Variants in NR3C2 observed in about 807,000 individuals in gnomAD.
NR3C2 encodes mineralocorticoid receptor.
A neutral mutation model predicts 86.4 loss-of-function variants in NR3C2; 15 were observed. The ratio of observed to expected loss-of-function variants is 0.17; its 90% confidence interval spans 0.12 to 0.27. NR3C2 has a LOEUF of 0.27. Among genes scored for constraint, NR3C2 ranks in the 10% least tolerant of loss-of-function variants. The probability of loss-of-function intolerance (pLI) is 1.00; values close to 1 mark genes in which losing one functional copy is unlikely to be tolerated. For missense variants in NR3C2, 960 were observed against 1,195.6 expected (o/e 0.80, Z 2.91); for synonymous variants, 458 against 450.5 (o/e 1.02, Z -0.21).
intron 3 of NR3C2, among the ~76,000 whole-genome samples, chr4:148,240,934 A>G (rs895106230): frequency 1.3e-5 from 2 of 152,168 alleles, no homozygotes; most frequent in African/African-American, 4.8e-5. Context: ...ATTTCCTGTT[A>G]GGATGAGGTG....
chr4:148,156,810 T>C (rs1165642065), intron 4 of NR3C2, among the ~76,000 whole-genome samples: 1 of 152,164 alleles, frequency 6.6e-6, no homozygotes, highest in African/African-American at 2.4e-5. Flanking sequence ...ACTGGGTATA[T>C]ATCCAAAGGA....
chr4:148,416,201 C>T (rs1748987045), intron 2 of NR3C2, among the ~76,000 whole-genome samples: 1 of 152,082 alleles, frequency 6.6e-6, no homozygotes. Flanking sequence ...GTAAATTATG[C>T]TAAATTAACA....
At chr4:148,157,806 C>G (rs891823466) in intron 4 of NR3C2, among the ~76,000 whole-genome samples, 9 of 152,108 alleles carry the variant, frequency 5.9e-5, no homozygotes, top group African/African-American at 1.9e-4. Flanking sequence ...CTATGTTACA[C>G]CAATTAACTT....
At chr4:148,227,427 G>A (rs1396539339) in intron 3 of NR3C2, among the ~76,000 whole-genome samples, 2 of 152,072 alleles carry the variant, frequency 1.3e-5, no homozygotes, top group Admixed American at 6.5e-5. Flanking sequence ...TAAGGTGCCC[G>A]CCAGGTTTCC....
At chr4:148,177,659 C>T (rs184791793) in intron 4 of NR3C2, among the ~76,000 whole-genome samples, 14 of 152,298 alleles carry the variant, frequency 9.2e-5, no homozygotes, top group Admixed American at 2.6e-4. Flanking sequence ...AAGTCTGAGG[C>T]GGATGACACC....
chr4:148,130,809 GTTTTGTTTTGTTTTT>G (rs1732994773), intron 6 of NR3C2, among the ~76,000 whole-genome samples: 1 of 52,188 alleles, frequency 1.9e-5, no homozygotes, highest in African/African-American at 4.9e-5. Context: ...GTTTTGTTTT[GTTTTGTTTTGTTTTT>G]TTTTTTTTTT....
At chr4:148,144,681 A>G (rs562155786) in intron 6 of NR3C2, among the ~76,000 whole-genome samples, 2 of 150,650 alleles carry the variant, frequency 1.3e-5, no homozygotes, top group South Asian at 2.1e-4. Flanking sequence ...AGCTTATAAA[A>G]CCTCCTCCAG....
chr4:148,116,680 T>C (rs181525516), intron 7 of NR3C2, among the ~76,000 whole-genome samples: 9 of 152,134 alleles, frequency 5.9e-5, no homozygotes, highest in Admixed American at 2.6e-4. Context: ...GCTTTACCTA[T>C]GTTTTTTCCT....
At chr4:148,273,981 G>A (rs970159687) in intron 2 of NR3C2, among the ~76,000 whole-genome samples, 1 of 151,972 alleles carries the variant, frequency 6.6e-6, no homozygotes, top group Non-Finnish European at 1.5e-5. Context: ...TTTGAGGTCT[G>A]TAGAAGCCAG....
Position 148,114,134 on chromosome 4 carries a change from T to C in NR3C2, c.2769A>G (p.Gln923=). 6.2e-7 allele frequency: 1 copy of C among 1,613,692 alleles called. No homozygotes were observed. The highest frequency in any genetic ancestry group is 8.5e-7 in the Non-Finnish European group (1 of 1,179,892). The part of the protein sequence containing the change: ...NSGQSWQRFY[Q]LTKLLDSMHD... ...GCATGGAGTCCAGCAGCTTGGTCAG[T>C]TGGTAGAACCTCTGCCAGCTCTGCC... The change falls in exon 8 of 9, where the codon CAA becomes CAG. Residue 923 remains glutamine (Q), a synonymous_variant. Coordinates refer to ENST00000358102, the MANE Select transcript of NR3C2 (RefSeq NM_000901.5).
intron 6 of NR3C2, among the ~76,000 whole-genome samples, chr4:148,147,325 T>C (rs780798820): frequency 3.3e-5 from 5 of 152,252 alleles, no homozygotes; most frequent in Non-Finnish European, 5.9e-5. Flanking sequence ...GTTTTAAATA[T>C]TGCAATGTCT....
intron 7 of NR3C2, among the ~76,000 whole-genome samples, chr4:148,119,400 C>T (rs1318483966): frequency 6.6e-6 from 1 of 152,182 alleles, no homozygotes. Context: ...CATCACATGT[C>T]CCTCCCAGAT....
At chr4:148,195,488 G>A (rs1736400311) in intron 3 of NR3C2, among the ~76,000 whole-genome samples, 1 of 152,202 alleles carries the variant, frequency 6.6e-6, no homozygotes, top group African/African-American at 2.4e-5. Flanking sequence ...AGGCACTAGG[G>A]ATACAGTGAT....
At chr4:148,220,155 T>C (rs1194599847) in intron 3 of NR3C2, among the ~76,000 whole-genome samples, 2 of 152,092 alleles carry the variant, frequency 1.3e-5, no homozygotes, top group African/African-American at 2.4e-5. Context: ...GGTGCAATCA[T>C]TGCTCACTGC....
chr4:148,192,204 T>A lies in NR3C2; in HGVS notation c.2014+2542A>T, dbSNP rs371824773. ...TCCCTTGATGAACTACTCTCCCTCT[T>A]TTCCTATGGATGTGGTTTCCTGTGA... On this transcript the variant is annotated intron_variant, in intron 4 of 8. Coordinates refer to ENST00000358102, the MANE Select transcript of NR3C2 (RefSeq NM_000901.5). Among the ~76,000 whole-genome samples, 4 of 152,200 alleles carry A rather than the reference T, an allele frequency of 2.6e-5. No homozygotes were observed. The South Asian group carries it at 8.3e-4, about 32-fold the overall frequency.
At chr4:148,205,356 G>A (rs868636148) in intron 3 of NR3C2, among the ~76,000 whole-genome samples, 1 of 152,176 alleles carries the variant, frequency 6.6e-6, no homozygotes. Context: ...AATTCAAGAT[G>A]TACTATAGGA....
At chr4:148,126,055 T>C (rs907431803) in intron 6 of NR3C2, among the ~76,000 whole-genome samples, 2 of 152,176 alleles carry the variant, frequency 1.3e-5, no homozygotes, top group Non-Finnish European at 2.9e-5. Flanking sequence ...GCTTGAAAAA[T>C]GTGCTCATAT....
chr4:148,265,019 T>C (rs958208804), intron 2 of NR3C2, among the ~76,000 whole-genome samples: 1 of 152,114 alleles, frequency 6.6e-6, no homozygotes, highest in Non-Finnish European at 1.5e-5. Context: ...CTACGAAAAC[T>C]CATCATTTTG....
Position 148,280,599 on chromosome 4 carries a change from A to G in NR3C2, c.1758-20482T>C, listed in dbSNP as rs144449137. Among the ~76,000 whole-genome samples the G allele has an allele frequency of 1.0e-2, 1,521 of 152,234 alleles. 24 individuals are homozygous for G. Among genetic ancestry groups the G allele is most frequent in the African/African-American group, 0.035 (1,440 of 41,538 alleles). ...CAGCAGCCTCAACATCCTAAGCTTA[A>G]GTAATCCTCCCATCTCAGCCTCCCA... On this transcript the variant is annotated intron_variant, in intron 2 of 8. Coordinates refer to ENST00000358102, the MANE Select transcript of NR3C2 (RefSeq NM_000901.5).
Sources: gnomAD v4.1 joint callset for allele counts (sites outside exome capture counted in the v4.1 genomes callset) on GRCh38, gnomAD v4.1.1 for gene constraint, MANE v1.5 for transcripts, NCBI Gene and HGNC (gene_info 2026-07-23, HGNC 2026-07-21) for gene names.